CNTN4: variants seen among roughly 807,000 people sequenced by gnomAD.
The protein encoded by CNTN4 is contactin-4.
CNTN4 carries 77 observed loss-of-function variants against 122.5 expected under a neutral mutation model. The observed-to-expected ratio is 0.63, with a 90% CI of 0.52 to 0.76. CNTN4 has a LOEUF of 0.76. Among genes scored for constraint, CNTN4 ranks in the 30% least tolerant of loss-of-function variants. The probability of loss-of-function intolerance (pLI) is 0.00; values close to 1 mark genes in which losing one functional copy is unlikely to be tolerated. For synonymous variants in CNTN4, 512 were observed against 447.0 expected (o/e 1.15, Z -1.83); for missense variants, 1,256 against 1,259.1 (o/e 1.00, Z 0.04).
intron 3 of CNTN4, among the ~76,000 whole-genome samples, chr3:2,523,671 C>T (rs13078307): frequency 3.3e-5 from 5 of 151,906 alleles, no homozygotes; most frequent in African/African-American, 7.2e-5. Context: ...CAGATCAGGA[C>T]GGCAACAGAG....
At chr3:2,198,299 A>G (rs1575063728) in intron 2 of CNTN4, among the ~76,000 whole-genome samples, 1 of 152,174 alleles carries the variant, frequency 6.6e-6, no homozygotes, top group African/African-American at 2.4e-5. Context: ...AGCAAAAAAT[A>G]ATGACTTTGG....
intron 4 of CNTN4, among the ~76,000 whole-genome samples, chr3:2,639,103 A>G (rs564482379): frequency 2.8e-4 from 42 of 152,272 alleles, no homozygotes; most frequent in African/African-American, 1.0e-3. Context: ...TAAAAAGTAA[A>G]CCAGAACACA....
chr3:2,573,726 C>T (rs2079531734), intron 4 of CNTN4, among the ~76,000 whole-genome samples: 1 of 152,174 alleles, frequency 6.6e-6, no homozygotes, highest in Admixed American at 6.5e-5. Flanking sequence ...ATTCACTTAG[C>T]TTTTTATAGA....
At chr3:2,154,379 C>CA (rs34618946) in intron 2 of CNTN4, among the ~76,000 whole-genome samples, 20,882 of 127,584 alleles carry the variant, frequency 0.16, 1,839 homozygotes, top group East Asian at 0.41. Flanking sequence ...GACACTGTCT[C>CA]AAAAAAAAAA....
At chr3:2,282,210 G>A (rs1162036327) in intron 2 of CNTN4, among the ~76,000 whole-genome samples, 1 of 152,000 alleles carries the variant, frequency 6.6e-6, no homozygotes, top group African/African-American at 2.4e-5. Context: ...GATTTTATGA[G>A]GCCAGTCAAA....
intron 4 of CNTN4, among the ~76,000 whole-genome samples, chr3:2,649,462 T>C (rs906324778): frequency 1.3e-5 from 2 of 152,182 alleles, no homozygotes; most frequent in African/African-American, 4.8e-5. Context: ...GCCTGTGTTC[T>C]TTTATGGAAC....
At chr3:2,667,502 G>T (rs2150344749) in intron 4 of CNTN4, among the ~76,000 whole-genome samples, 1 of 152,226 alleles carries the variant, frequency 6.6e-6, no homozygotes, top group South Asian at 2.1e-4. Context: ...CCCTTTGTCA[G>T]ATGAGTAGAT....
intron 6 of CNTN4, among the ~76,000 whole-genome samples, chr3:2,779,489 G>A (rs917779475): frequency 6.6e-6 from 1 of 152,138 alleles, no homozygotes; most frequent in Non-Finnish European, 1.5e-5. Flanking sequence ...ATGAGCCACA[G>A]TTGGTTATTA....
intron 7 of CNTN4, among the ~76,000 whole-genome samples, chr3:2,843,135 C>G (rs2093393602): frequency 6.6e-6 from 1 of 152,180 alleles, no homozygotes; most frequent in African/African-American, 2.4e-5. Context: ...ATGACTAAAC[C>G]TGAGCATTTG....
intron 7 of CNTN4, among the ~76,000 whole-genome samples, chr3:2,849,730 G>T (rs1302175191): frequency 6.6e-6 from 1 of 152,180 alleles, no homozygotes; most frequent in African/African-American, 2.4e-5. Context: ...TATGAAAAGG[G>T]TTCAGCCAGA....
chr3:2,627,778 C>A (rs541333047), intron 4 of CNTN4, among the ~76,000 whole-genome samples: 17 of 152,162 alleles, frequency 1.1e-4, no homozygotes, highest in East Asian at 3.9e-4. Context: ...CAGGCGTGAG[C>A]CACCGTGCCT....
At chr3:2,458,618 A>T (rs1221242453) in intron 3 of CNTN4, among the ~76,000 whole-genome samples, 4 of 147,088 alleles carry the variant, frequency 2.7e-5, no homozygotes, top group Non-Finnish European at 6.1e-5. Flanking sequence ...CCTTTCAAGA[A>T]TGTGCGATTT....
chr3:2,609,889 T>C (rs1382655622), intron 4 of CNTN4, among the ~76,000 whole-genome samples: 1 of 152,202 alleles, frequency 6.6e-6, no homozygotes, highest in Non-Finnish European at 1.5e-5. Context: ...ATTAAACAAA[T>C]GTCATTGATT....
intron 14 of CNTN4, among the ~76,000 whole-genome samples, chr3:3,011,427 T>C (rs1156276563): frequency 6.6e-6 from 1 of 152,054 alleles, no homozygotes; most frequent in Non-Finnish European, 1.5e-5. Context: ...GTTCAGAGAG[T>C]TAATGGAGGT....
At chr3:2,365,995 A>G (rs1236327677) in intron 3 of CNTN4, among the ~76,000 whole-genome samples, 1 of 152,216 alleles carries the variant, frequency 6.6e-6, no homozygotes, top group Non-Finnish European at 1.5e-5. Flanking sequence ...CATTTTTCAA[A>G]GCATTTATTT....
At chr3:2,287,693 G>GAA (rs2041973118) in intron 2 of CNTN4, among the ~76,000 whole-genome samples, 1 of 80,922 alleles carries the variant, frequency 1.2e-5, no homozygotes, top group African/African-American at 4.6e-5. Context: ...AAGAAGAAGA[G>GAA]GAAGAAGAAG....
chr3:2,961,044 C>T (rs1361891407), intron 13 of CNTN4, among the ~76,000 whole-genome samples: 2 of 125,274 alleles, frequency 1.6e-5, no homozygotes, highest in African/African-American at 2.8e-5. Context: ...TCCTGGCTAA[C>T]ACGGTGAAAC....
intron 5 of CNTN4, among the ~76,000 whole-genome samples, chr3:2,738,706 A>C (rs995664578): frequency 6.6e-6 from 1 of 152,202 alleles, no homozygotes; most frequent in Non-Finnish European, 1.5e-5. Context: ...TGGATTGTCT[A>C]TATGGTTAAA....
Position 2,773,894 on chromosome 3 carries a change from G to C in CNTN4, c.358+28197G>C, listed in dbSNP as rs2091209584. Among the ~76,000 whole-genome samples the C allele has an allele frequency of 4.6e-5, 7 of 151,008 alleles. No individual in the cohort carries two copies. In the South Asian group the frequency reaches 1.3e-3, roughly 27 times the overall value. ...CCTGCCTCAGTCTCCCAAGTAACTG[G>C]AATTATAGGCACCCGCCACCACATC... is the stretch of plus-strand genomic sequence containing the variant. On this transcript the variant is annotated intron_variant, in intron 6 of 24. Transcript: ENST00000418658.
Sources: gnomAD v4.1 joint callset for allele counts (sites outside exome capture counted in the v4.1 genomes callset) on GRCh38, gnomAD v4.1.1 for gene constraint, MANE v1.5 for transcripts, NCBI Gene and HGNC (gene_info 2026-07-23, HGNC 2026-07-21) for gene names.